The following RBM25 variants were observed in gnomAD, a reference collection of about 807,000 sequenced individuals.
The protein encoded by RBM25 is RNA binding motif protein 25.
RBM25 carries 19 observed loss-of-function variants against 120.7 expected under a neutral mutation model. The observed-to-expected ratio is 0.16, with a 90% CI of 0.11 to 0.23. The LOEUF (loss-of-function observed/expected upper bound fraction) is 0.23. RBM25 is among the 10% of genes least tolerant of loss of function. The probability of loss-of-function intolerance (pLI) is 1.00; values close to 1 mark genes in which losing one functional copy is unlikely to be tolerated. For missense variants in RBM25, 605 were observed against 1,041.5 expected (o/e 0.58, Z 5.77); for synonymous variants, 390 against 326.7 (o/e 1.19, Z -2.09).
Position 73,098,867 on chromosome 14 carries a change from C to T in RBM25, c.730-513C>T, listed in dbSNP as rs150052426. ...CTGTGTTAGCCAGGATGGTCTCGAT[C>T]TGCTGACCTCGTGATCCGCGTGAGC... On this transcript the variant is annotated intron_variant, in intron 7 of 18. Coordinates refer to ENST00000261973, the MANE Select transcript of RBM25 (RefSeq NM_021239.3). Among the ~76,000 whole-genome samples the T allele has an allele frequency of 2.4e-3, 361 of 152,270 alleles. 2 individuals are homozygous for T. In the Middle Eastern group the frequency reaches 0.034, roughly 14 times the overall value.
chr14:73,092,635 C>T (rs938417035), intron 6 of RBM25, among the ~76,000 whole-genome samples: 2 of 149,502 alleles, frequency 1.3e-5, no homozygotes, highest in East Asian at 2.0e-4. Flanking sequence ...AGGTTTGTTA[C>T]GTATATATAC....
intron 6 of RBM25, among the ~76,000 whole-genome samples, chr14:73,094,823 GTGTGTGTGTGTGTGTGTGTC>G (rs556632441): frequency 0.055 from 8,306 of 150,372 alleles, 303 homozygotes; most frequent in Non-Finnish European, 0.088. Flanking sequence ...GTGTGTGTGT[GTGTGTGTGTGTGTGTGTGTC>G]TGTGTGTGTG....
At position 73,112,226 on chromosome 14, in the gene RBM25, A is replaced by G. The variant is rs768930100; in HGVS notation, c.2367A>G (p.Thr789=). 2 of 1,605,434 alleles carry G rather than the reference A, an allele frequency of 1.2e-6. No individual in the cohort carries two copies. Among genetic ancestry groups the G allele is most frequent in the South Asian group, 1.1e-5 (1 of 88,292 alleles). The change falls in exon 17 of 19, where the codon ACA becomes ACG. Residue 789 remains threonine (T), a synonymous_variant. Coordinates refer to ENST00000261973, the MANE Select transcript of RBM25 (RefSeq NM_021239.3). ...IIEYIGEEEA[T]LVDFVCSKVM... ...AATATATAGGTGAAGAAGAAGCTAC[A>G]TTAGTTGATTTTGTTTGTTCTAAGG...
Position 73,083,560 on chromosome 14 carries a change from T to G in RBM25, c.382+9T>G. On this transcript the variant is annotated intron_variant, in intron 5 of 18. Coordinates refer to ENST00000261973, the MANE Select transcript of RBM25 (RefSeq NM_021239.3). ...TTCCGGAAAGCTTCAAGGTATGTCA[T>G]TTTTTTCCTTATTTGCTGAAATCAC... is the stretch of plus-strand genomic sequence containing the variant. 6.4e-7 allele frequency: 1 copy of G among 1,559,656 alleles called. No individual in the cohort carries two copies. The highest frequency in any genetic ancestry group is 8.6e-7 in the Non-Finnish European group (1 of 1,160,104).
At chr14:73,075,062 A>G (rs1409212693) in intron 2 of RBM25, among the ~76,000 whole-genome samples, 5 of 151,540 alleles carry the variant, frequency 3.3e-5, no homozygotes, top group Non-Finnish European at 5.9e-5. Flanking sequence ...GTGGTTATAC[A>G]CAGGCACAAT....
intron 7 of RBM25, among the ~76,000 whole-genome samples, chr14:73,097,779 A>G (rs921163852): frequency 2.0e-5 from 3 of 152,194 alleles, no homozygotes; most frequent in African/African-American, 4.8e-5. Context: ...CCTGAACAAT[A>G]ATGGTATTGA....
At chr14:73,118,515 G>T (rs939835279) in intron 18 of RBM25, among the ~76,000 whole-genome samples, 8 of 151,466 alleles carry the variant, frequency 5.3e-5, no homozygotes, top group Admixed American at 2.6e-4. Flanking sequence ...TTGTGTTTTT[G>T]GAGATAAATG....
In RBM25 at chr14:73,087,988, C is replaced by T. The variant is rs1257000080; in HGVS notation, c.383-13C>T. 1 of 1,600,112 alleles carries T rather than the reference C, an allele frequency of 6.2e-7. No individual in the cohort carries two copies. Among genetic ancestry groups the T allele is most frequent in the Admixed American group, 1.8e-5 (1 of 55,956 alleles). On this transcript the variant is annotated splice_polypyrimidine_tract_variant and intron_variant, in intron 5 of 18. Coordinates refer to ENST00000261973, the MANE Select transcript of RBM25 (RefSeq NM_021239.3). ...GAATTGGTATTTCACTAATTGTTTT[C>T]ATCCATTGCTAGCCTTCGGATTCTG... is the stretch of plus-strand genomic sequence containing the variant.
intron 4 of RBM25, among the ~76,000 whole-genome samples, chr14:73,078,545 A>C (rs1176917605): frequency 6.6e-6 from 1 of 152,172 alleles, no homozygotes; most frequent in Admixed American, 6.6e-5. Flanking sequence ...GTTCATATTT[A>C]ATTTTCCCAG....
intron 4 of RBM25, among the ~76,000 whole-genome samples, chr14:73,079,093 T>C (rs568335666): frequency 6.9e-6 from 1 of 144,638 alleles, no homozygotes; most frequent in African/African-American, 2.4e-5. Flanking sequence ...TGATGATACA[T>C]GTACATTGTT....
At chr14:73,068,258 A>T in intron 1 of RBM25, 2 of 852,526 alleles carry the variant, frequency 2.3e-6, no homozygotes, top group Non-Finnish European at 4.0e-6. Flanking sequence ...TTTATAAACC[A>T]TTTAGACCCC....
chr14:73,099,816 A>C (rs1394416891), intron 9 of RBM25, 66 bp downstream of exon 9: 2 of 1,495,530 alleles, frequency 1.3e-6, no homozygotes, highest in Non-Finnish European at 8.9e-7. Context: ...GCAAAGAGAC[A>C]AAAAAAATCA....
At chr14:73,080,213 CTTTTTTTTTTTTTTT>C (rs766461418) in intron 4 of RBM25, among the ~76,000 whole-genome samples, 2 of 67,178 alleles carry the variant, frequency 3.0e-5, no homozygotes, top group African/African-American at 6.3e-5. Flanking sequence ...TCTTACACAT[CTTTTTTTTTTTTTTT>C]TTTTTTTTTT....
At chr14:73,068,390 T>G in intron 1 of RBM25, 6 of 555,024 alleles carry the variant, frequency 1.1e-5, no homozygotes, top group African/African-American at 5.7e-5. Context: ...GTATTTGATT[T>G]TTTTTTTTTT....
chr14:73,117,847 C>T (rs1896467477), intron 18 of RBM25, among the ~76,000 whole-genome samples: 1 of 152,138 alleles, frequency 6.6e-6, no homozygotes, highest in East Asian at 1.9e-4. Flanking sequence ...AACACTAGAC[C>T]ACATTTCTGG....
chr14:73,099,353 A>G (rs371540147), intron 7 of RBM25, 27 bp from the exon 8 acceptor site: 46 of 1,589,796 alleles, frequency 2.9e-5, no homozygotes, highest in Non-Finnish European at 3.7e-5. Context: ...CTTTTTTAAA[A>G]AAGATTCTTG....
At chr14:73,075,227 T>C (rs2140430168) in intron 2 of RBM25, among the ~76,000 whole-genome samples, 1 of 151,850 alleles carries the variant, frequency 6.6e-6, no homozygotes, top group African/African-American at 2.4e-5. Context: ...AATGGTGTGA[T>C]CTCGGCTCAC....
chr14:73,110,051 A>C (rs1896276882), intron 14 of RBM25, among the ~76,000 whole-genome samples: 1 of 151,136 alleles, frequency 6.6e-6, no homozygotes, highest in Non-Finnish European at 1.5e-5. Context: ...CTCCTGACTA[A>C]TTTTTGTATT....
At chr14:73,117,226 T>A (rs1011774900) in intron 18 of RBM25, among the ~76,000 whole-genome samples, 4 of 117,774 alleles carry the variant, frequency 3.4e-5, no homozygotes, top group Admixed American at 1.8e-4. Flanking sequence ...TTTTTTTTTT[T>A]TTTTTTTTTT....
Sources: allele counts gnomAD v4.1 joint callset (sites outside exome capture counted in the v4.1 genomes callset), GRCh38; gene constraint gnomAD v4.1.1; transcripts MANE v1.5; gene names NCBI Gene and HGNC (gene_info 2026-07-23, HGNC 2026-07-21).